The following B4GALT5 variants were observed in gnomAD, a reference collection of about 807,000 sequenced individuals.
The protein encoded by B4GALT5 is UDP-Gal:beta-GlcNAc beta-1,4-galactosyltransferase 5.
Under a neutral mutation model 45.0 loss-of-function variants are expected in B4GALT5, and 11 were observed. The ratio of observed to expected loss-of-function variants is 0.24; its 90% confidence interval spans 0.15 to 0.40. The LOEUF (loss-of-function observed/expected upper bound fraction) is 0.40, where lower values mean the gene tolerates loss of function less well. Ranked by LOEUF, B4GALT5 falls within the 10% of genes least tolerant of loss-of-function variation. The pLI is 1.00. For missense variants in B4GALT5, 337 were observed against 500.2 expected, an observed-to-expected ratio of 0.67 and a Z score of 3.11; for synonymous variants, 185 against 182.9, an observed-to-expected ratio of 1.01 and a Z score of -0.09.
intron 1 of B4GALT5, among the ~76,000 whole-genome samples, chr20:49,701,112 T>A (rs567225003): frequency 2.0e-5 from 3 of 152,236 alleles, no homozygotes; most frequent in Non-Finnish European, 4.4e-5. Context: ...GCTTTGTTCA[T>A]CACTGTATCC....
chr20:49,660,591 T>G (rs1411294723), intron 1 of B4GALT5, among the ~76,000 whole-genome samples: 1 of 152,228 alleles, frequency 6.6e-6, no homozygotes. Context: ...CAAAATCCCC[T>G]TAATCTTTTT....
At chr20:49,703,165 C>CA (rs11452162) in intron 1 of B4GALT5, among the ~76,000 whole-genome samples, 50,237 of 91,134 alleles carry the variant, frequency 0.55, 13,184 homozygotes, top group South Asian at 0.68. Flanking sequence ...GACTCCGTCT[C>CA]AAAAAAAAAA....
chr20:49,635,332 G>C lies in B4GALT5; in HGVS notation c.*980C>G, dbSNP rs1299116595. ...AGCCCCGAAGGGCCTGCTTTAGGCAGGAAGCAGCCTGCTCTAACAGCAGCC... is the reference window on the plus strand; with the variant it reads ...AGCCCCGAAGGGCCTGCTTTAGGCACGAAGCAGCCTGCTCTAACAGCAGCC... On this transcript the variant is annotated 3_prime_UTR_variant, in exon 9 of 9. Transcript: ENST00000371711. The C allele has an allele frequency of 6.6e-6, 1 of 151,318 alleles. No individual in the cohort carries two copies. Among genetic ancestry groups the C allele is most frequent in the African/African-American group, 2.4e-5 (1 of 41,084 alleles). The allele number at this position is 151,318 out of a possible 1,614,324, so 9.4% of individuals were successfully genotyped here.
chr20:49,679,387 C>A (rs987956334), intron 1 of B4GALT5, among the ~76,000 whole-genome samples: 3 of 151,878 alleles, frequency 2.0e-5, no homozygotes, highest in Non-Finnish European at 2.9e-5. Flanking sequence ...CCTACAATAC[C>A]GAAAGTTAGT....
intron 1 of B4GALT5, among the ~76,000 whole-genome samples, chr20:49,678,623 G>T (rs987000610): frequency 1.3e-5 from 2 of 152,160 alleles, no homozygotes; most frequent in Admixed American, 1.3e-4. Context: ...AGGTACCCTC[G>T]GGCCTTTGGG....
chr20:49,652,846 T>A (rs1030487887), intron 2 of B4GALT5, among the ~76,000 whole-genome samples: 1 of 152,214 alleles, frequency 6.6e-6, no homozygotes, highest in Admixed American at 6.5e-5. Flanking sequence ...TGCCTCAGCA[T>A]TATTTCAGCA....
intron 1 of B4GALT5, among the ~76,000 whole-genome samples, chr20:49,666,021 G>A (rs576770000): frequency 2.0e-4 from 31 of 152,242 alleles, no homozygotes; most frequent in South Asian, 4.1e-4. Context: ...TGAAAGCCAC[G>A]ACATTGCAGA....
chr20:49,681,327 C>T (rs1313185194), intron 1 of B4GALT5, among the ~76,000 whole-genome samples: 2 of 151,540 alleles, frequency 1.3e-5, no homozygotes, highest in African/African-American at 4.9e-5. Flanking sequence ...AGAGTCAGAG[C>T]GCTACATGCA....
intron 5 of B4GALT5, 57 bp from the exon 6 acceptor site, chr20:49,640,722 T>C: frequency 6.7e-7 from 1 of 1,503,242 alleles, no homozygotes; most frequent in Non-Finnish European, 8.9e-7. Flanking sequence ...CTTTGCTGTC[T>C]TTCCTGTGCC....
At chr20:49,668,013 CGT>C (rs2085699312) in intron 1 of B4GALT5, among the ~76,000 whole-genome samples, 1 of 151,982 alleles carries the variant, frequency 6.6e-6, no homozygotes, top group Admixed American at 6.6e-5. Flanking sequence ...TTGGAGCAAC[CGT>C]GTGACAATTT....
chr20:49,700,626 A>G (rs1377662875), intron 1 of B4GALT5, among the ~76,000 whole-genome samples: 1 of 152,220 alleles, frequency 6.6e-6, no homozygotes, highest in Non-Finnish European at 1.5e-5. Flanking sequence ...AAAGTATTAC[A>G]AATAATAAAA....
At chr20:49,709,392 T>A (rs1442628732) in intron 1 of B4GALT5, among the ~76,000 whole-genome samples, 5 of 152,202 alleles carry the variant, frequency 3.3e-5, no homozygotes, top group African/African-American at 1.2e-4. Context: ...TCCACCACTT[T>A]CTCTCTTTCA....
intron 1 of B4GALT5, among the ~76,000 whole-genome samples, chr20:49,681,790 C>A (rs2085765006): frequency 6.6e-6 from 1 of 152,162 alleles, no homozygotes; most frequent in African/African-American, 2.4e-5. Context: ...TTTCTAATTC[C>A]TCTATTTGAA....
intron 1 of B4GALT5, among the ~76,000 whole-genome samples, chr20:49,707,434 T>C (rs567597652): frequency 2.6e-5 from 4 of 152,262 alleles, no homozygotes; most frequent in Non-Finnish European, 5.9e-5. Context: ...TAACCCATAT[T>C]TCCCCATATG....
At chr20:49,680,834 G>A (rs2085761091) in intron 1 of B4GALT5, among the ~76,000 whole-genome samples, 1 of 151,534 alleles carries the variant, frequency 6.6e-6, no homozygotes, top group African/African-American at 2.4e-5. Flanking sequence ...AGAAAGTAAA[G>A]AAATAAAAGA....
chr20:49,656,507 C>T (rs968361116), intron 2 of B4GALT5, 61 bp downstream of exon 2: 81 of 1,585,266 alleles, frequency 5.1e-5, no homozygotes, highest in Admixed American at 1.0e-4. Flanking sequence ...TTATTGCAAC[C>T]GAATTTACCT....
intron 1 of B4GALT5, among the ~76,000 whole-genome samples, chr20:49,682,502 T>A (rs1297479860): frequency 6.6e-6 from 1 of 152,166 alleles, no homozygotes; most frequent in Non-Finnish European, 1.5e-5. Flanking sequence ...ATGCAAGCTC[T>A]CACCACAGGC....
chr20:49,656,356 C>T (rs766699013), intron 2 of B4GALT5, among the ~76,000 whole-genome samples: 8 of 152,188 alleles, frequency 5.3e-5, no homozygotes, highest in Non-Finnish European at 1.0e-4. Flanking sequence ...ACCTCAAGTA[C>T]TCTTTTATAG....
intron 1 of B4GALT5, among the ~76,000 whole-genome samples, chr20:49,698,760 T>C (rs116495378): frequency 0.013 from 1,962 of 152,292 alleles, 37 homozygotes; most frequent in African/African-American, 0.045. Context: ...GCCTGTGTTG[T>C]GGACGAGGAA....
Sources: allele counts gnomAD v4.1 joint callset (sites outside exome capture counted in the v4.1 genomes callset), GRCh38; gene constraint gnomAD v4.1.1; transcripts MANE v1.5; gene names NCBI Gene and HGNC (gene_info 2026-07-23, HGNC 2026-07-21).